ZDHHC21: variants seen among roughly 807,000 people sequenced by gnomAD.
ZDHHC21 encodes palmitoyltransferase ZDHHC21.
In ZDHHC21, 15 loss-of-function variants were observed where a neutral mutation model predicts 34.6. That is an observed-to-expected ratio of 0.43 (90% CI 0.29 to 0.67). The LOEUF is 0.67. Ranked by LOEUF, ZDHHC21 falls within the 30% of genes least tolerant of loss-of-function variation. ZDHHC21 has a pLI of 0.14. For synonymous variants in ZDHHC21, 142 were observed against 101.8 expected, an observed-to-expected ratio of 1.40 and a Z score of -2.38; for missense variants, 344 against 327.7, an observed-to-expected ratio of 1.05 and a Z score of -0.38.
chr9:14,674,201 C>T lies in ZDHHC21; in HGVS notation c.140G>A (p.Gly47Asp). 6.6e-7 allele frequency: 1 copy of T among 1,509,400 alleles called. No individual in the cohort carries two copies. The highest frequency in any genetic ancestry group is 8.8e-7 in the Non-Finnish European group (1 of 1,135,686). 93.5% of individuals were successfully genotyped at this position (1,509,400 alleles called of 1,614,324 possible). Reference sequence around the variant, plus strand: ...AAGAAACTTACTTATTATTAATATGCCTGGAATATGTCCTTCTTCATAGTG... The same window carrying T: ...AAGAAACTTACTTATTATTAATATGTCTGGAATATGTCCTTCTTCATAGTG... The part of the protein sequence containing the change: ...FPHYEEGHIP[G>D]ILIIIFYGIS... The change falls in exon 4 of 10, where the codon GGC (glycine) becomes GAC (aspartate). Residue 47 changes from glycine (G) to aspartate (D), a missense_variant. Transcript: ENST00000380916.
chr9:14,684,791 G>T (rs1194299660), intron 2 of ZDHHC21, among the ~76,000 whole-genome samples: 7 of 152,124 alleles, frequency 4.6e-5, no homozygotes. Flanking sequence ...CACGCTACCT[G>T]ACTTCAAACT....
At chr9:14,690,844 C>T in intron 1 of ZDHHC21, among the ~76,000 whole-genome samples, 1 of 152,110 alleles carries the variant, frequency 6.6e-6, no homozygotes, top group East Asian at 1.9e-4. Flanking sequence ...ACAATTTCAC[C>T]TGTATTTTTA....
At chr9:14,620,985 T>C (rs185602439) in intron 8 of ZDHHC21, among the ~76,000 whole-genome samples, 1 of 152,172 alleles carries the variant, frequency 6.6e-6, no homozygotes, top group Non-Finnish European at 1.5e-5. Flanking sequence ...TCTTACTTTA[T>C]GAAAACACAG....
intron 8 of ZDHHC21, chr9:14,622,808 G>C (rs1825533720): frequency 1.1e-6 from 1 of 887,562 alleles, no homozygotes; most frequent in South Asian, 5.2e-5. Context: ...TCAAAATGGA[G>C]TTTCTAGACC....
At chr9:14,623,665 G>C (rs537438253) in intron 8 of ZDHHC21, among the ~76,000 whole-genome samples, 2 of 143,856 alleles carry the variant, frequency 1.4e-5, no homozygotes, top group East Asian at 2.1e-4. Flanking sequence ...AAAAAAGAGA[G>C]AGAAAACAAA....
chr9:14,637,565 A>G (rs1564249627), intron 8 of ZDHHC21, among the ~76,000 whole-genome samples: 1 of 151,980 alleles, frequency 6.6e-6, no homozygotes, highest in Non-Finnish European at 1.5e-5. Flanking sequence ...CAGAAGAAAC[A>G]TACTACAATA....
chr9:14,624,746 AT>A, intron 8 of ZDHHC21, among the ~76,000 whole-genome samples: 1 of 152,106 alleles, frequency 6.6e-6, no homozygotes, highest in East Asian at 1.9e-4. Flanking sequence ...CAGCAGTGTG[AT>A]TACAGTCAAC....
chr9:14,671,754 T>G (rs962850416), intron 5 of ZDHHC21, among the ~76,000 whole-genome samples: 1 of 152,106 alleles, frequency 6.6e-6, no homozygotes, highest in Non-Finnish European at 1.5e-5. Flanking sequence ...ACTGTGGGCA[T>G]ACAAAAACCC....
At chr9:14,621,205 G>A (rs1825249015) in intron 8 of ZDHHC21, among the ~76,000 whole-genome samples, 1 of 151,960 alleles carries the variant, frequency 6.6e-6, no homozygotes, top group Non-Finnish European at 1.5e-5. Flanking sequence ...ATAGCTATTA[G>A]GAAAGGTATA....
At chr9:14,645,397 TTCA>T (rs1366309608) in intron 7 of ZDHHC21, among the ~76,000 whole-genome samples, 1 of 152,060 alleles carries the variant, frequency 6.6e-6, no homozygotes, top group African/African-American at 2.4e-5. Flanking sequence ...CAATTGACTA[TTCA>T]TCTATGAAAA....
chr9:14,639,347 G>C (rs1828892711), intron 8 of ZDHHC21, among the ~76,000 whole-genome samples: 1 of 152,062 alleles, frequency 6.6e-6, no homozygotes, highest in Admixed American at 6.6e-5. Context: ...AGAGATACAA[G>C]AGGCTGGAAA....
chr9:14,670,983 G>T (rs894343134), intron 5 of ZDHHC21, among the ~76,000 whole-genome samples: 6 of 151,838 alleles, frequency 4.0e-5, no homozygotes, highest in Admixed American at 3.9e-4. Flanking sequence ...AGTGATTTTT[G>T]TACTAGCCAA....
intron 2 of ZDHHC21, 96 bp downstream of exon 2, chr9:14,690,241 G>A (rs978012819): frequency 4.9e-6 from 2 of 409,230 alleles, no homozygotes; most frequent in Admixed American, 3.0e-5. Context: ...TGGGGGGTTG[G>A]GGGTAGAAGA....
At chr9:14,595,771 A>G in the ZDHHC21 span, among the ~76,000 whole-genome samples, 1 of 152,318 alleles carries the variant, frequency 6.6e-6, no homozygotes, top group Admixed American at 6.5e-5. Flanking sequence ...AATGCCATGA[A>G]GGAAAAAAAA....
chr9:14,670,901 C>T (rs1435036184), intron 5 of ZDHHC21, among the ~76,000 whole-genome samples: 1 of 152,180 alleles, frequency 6.6e-6, no homozygotes, highest in Middle Eastern at 3.4e-3. Flanking sequence ...TAAAGCCTTT[C>T]TTAGTCATTT....
chr9:14,692,204 T>C (rs4741418), intron 1 of ZDHHC21, among the ~76,000 whole-genome samples: 18,481 of 152,212 alleles, frequency 0.12, 1,751 homozygotes, highest in African/African-American at 0.26. Flanking sequence ...TGGAAGAATT[T>C]AATATTACAC....
chr9:14,643,057 GCGAAAC>G (rs1488790020), intron 7 of ZDHHC21, among the ~76,000 whole-genome samples: 11 of 152,048 alleles, frequency 7.2e-5, no homozygotes, highest in Admixed American at 5.9e-4. Context: ...TGGCCAACAG[GCGAAAC>G]CCCGTCTCTA....
intron 8 of ZDHHC21, among the ~76,000 whole-genome samples, chr9:14,634,288 T>C (rs1208991465): frequency 6.6e-6 from 1 of 152,188 alleles, no homozygotes; most frequent in Non-Finnish European, 1.5e-5. Context: ...GCCAATACTA[T>C]TGCCATTACC....
intron 8 of ZDHHC21, among the ~76,000 whole-genome samples, chr9:14,625,808 C>T (rs1188178286): frequency 6.6e-6 from 1 of 151,930 alleles, no homozygotes; most frequent in African/African-American, 2.4e-5. Flanking sequence ...CCTCTAAGAG[C>T]TTATAATCCA....
Sources: gnomAD v4.1 joint callset for allele counts (sites outside exome capture counted in the v4.1 genomes callset) on GRCh38, gnomAD v4.1.1 for gene constraint, MANE v1.5 for transcripts, NCBI Gene and HGNC (gene_info 2026-07-23, HGNC 2026-07-21) for gene names.